Variants in HYCC1 observed in about 807,000 individuals in gnomAD.
HYCC1 encodes the protein hyccin PI4KA lipid kinase complex subunit 1, also known as hyccin.
At chr7:22,963,021 A>T in the HYCC1 span, among the ~76,000 whole-genome samples, 2 of 152,144 alleles carry the variant, frequency 1.3e-5, no homozygotes, top group Non-Finnish European at 2.9e-5. Flanking sequence ...CCATAACAAC[A>T]AAACCCAATC....
At chr7:23,004,248 C>T in the HYCC1 span, among the ~76,000 whole-genome samples, 1 of 151,952 alleles carries the variant, frequency 6.6e-6, no homozygotes, top group African/African-American at 2.4e-5. Flanking sequence ...TTGTTTAATC[C>T]CTAAAGTATT....
chr7:22,950,254 C>T, the HYCC1 span, among the ~76,000 whole-genome samples: 2 of 151,976 alleles, frequency 1.3e-5, no homozygotes, highest in South Asian at 2.1e-4. Flanking sequence ...TTAATAGCCC[C>T]CACGTTTCAC....
chr7:23,011,696 C>T, the HYCC1 span, among the ~76,000 whole-genome samples: 1 of 152,208 alleles, frequency 6.6e-6, no homozygotes, highest in South Asian at 2.1e-4. Context: ...ATATCAATGT[C>T]AATGTTATTG....
At chr7:23,005,066 A>T in the HYCC1 span, among the ~76,000 whole-genome samples, 25 of 152,154 alleles carry the variant, frequency 1.6e-4, no homozygotes, top group African/African-American at 6.0e-4. Context: ...TGGCCTCCCA[A>T]AGTGCTGGGA....
chr7:22,907,802 C>T, the HYCC1 span, among the ~76,000 whole-genome samples: 1 of 152,122 alleles, frequency 6.6e-6, no homozygotes, highest in African/African-American at 2.4e-5. Context: ...GTCCCAGCTG[C>T]CCAGGAGGCT....
the HYCC1 span, chr7:22,934,899 A>C: frequency 6.6e-6 from 1 of 152,242 alleles, no homozygotes; most frequent in African/African-American, 2.4e-5. Context: ...GACTCCTAGA[A>C]GCAAAGCGGG....
chr7:22,992,921 G>A, the HYCC1 span, among the ~76,000 whole-genome samples: 2 of 152,074 alleles, frequency 1.3e-5, no homozygotes, highest in South Asian at 4.1e-4. Context: ...GAACAGTCAA[G>A]GGCTGTCTTG....
chr7:22,901,367 T>C, the HYCC1 span, among the ~76,000 whole-genome samples: 1 of 142,456 alleles, frequency 7.0e-6, no homozygotes, highest in East Asian at 2.1e-4. Context: ...AAAAATAGAA[T>C]GAAAGATTTA....
the HYCC1 span, among the ~76,000 whole-genome samples, chr7:22,898,781 T>C: frequency 6.6e-6 from 1 of 151,776 alleles, no homozygotes; most frequent in East Asian, 1.9e-4. Context: ...TTTTGTATTT[T>C]TAGTAGAGAT....
At chr7:22,999,935 G>A in the HYCC1 span, among the ~76,000 whole-genome samples, 4 of 151,976 alleles carry the variant, frequency 2.6e-5, no homozygotes, top group African/African-American at 7.3e-5. Context: ...AAAATTATCA[G>A]AAATACACAA....
At chr7:22,954,113 C>T in the HYCC1 span, among the ~76,000 whole-genome samples, 2 of 151,368 alleles carry the variant, frequency 1.3e-5, no homozygotes, top group African/African-American at 4.8e-5. Context: ...CAACTGAAGA[C>T]TTTTCTCATA....
chr7:22,997,286 C>G, the HYCC1 span, among the ~76,000 whole-genome samples: 1 of 151,954 alleles, frequency 6.6e-6, no homozygotes, highest in Non-Finnish European at 1.5e-5. Flanking sequence ...TAAAAATTTC[C>G]TTATTCCTAT....
the HYCC1 span, among the ~76,000 whole-genome samples, chr7:22,900,690 G>C: frequency 6.6e-6 from 1 of 152,086 alleles, no homozygotes; most frequent in South Asian, 2.1e-4. Flanking sequence ...AAAACAATAA[G>C]ATGGGAACAG....
At chr7:22,903,295 T>C in the HYCC1 span, among the ~76,000 whole-genome samples, 85 of 152,264 alleles carry the variant, frequency 5.6e-4, no homozygotes, top group African/African-American at 1.8e-3. Flanking sequence ...TTATTTGTAA[T>C]AGCCCTAAAC....
the HYCC1 span, among the ~76,000 whole-genome samples, chr7:23,004,324 A>C: frequency 3.9e-5 from 6 of 152,244 alleles, no homozygotes; most frequent in Non-Finnish European, 8.8e-5. Flanking sequence ...AAAACCAAAC[A>C]TCTGCTTAGA....
the HYCC1 span, among the ~76,000 whole-genome samples, chr7:22,897,779 G>A: frequency 1.3e-5 from 2 of 151,744 alleles, no homozygotes; most frequent in Admixed American, 6.6e-5. Context: ...TAATTTTTGT[G>A]TGTTTTTAAA....
chr7:22,997,501 C>T, the HYCC1 span, among the ~76,000 whole-genome samples: 2 of 152,034 alleles, frequency 1.3e-5, no homozygotes, highest in African/African-American at 4.8e-5. Flanking sequence ...TTAAATTAAG[C>T]GCTACCAGAA....
At chr7:22,950,966 C>A in the HYCC1 span, among the ~76,000 whole-genome samples, 21 of 151,348 alleles carry the variant, frequency 1.4e-4, no homozygotes, top group Non-Finnish European at 1.5e-5. Flanking sequence ...AGAAACTTCT[C>A]AGGATATATT....
At chr7:22,969,907 T>A in the HYCC1 span, among the ~76,000 whole-genome samples, 1 of 152,170 alleles carries the variant, frequency 6.6e-6, no homozygotes, top group East Asian at 1.9e-4. Flanking sequence ...CTATGGGACA[T>A]GTTGACAGAG....
Sources: gnomAD v4.1 joint callset for allele counts (sites outside exome capture counted in the v4.1 genomes callset) on GRCh38, gnomAD v4.1.1 for gene constraint, MANE v1.5 for transcripts, NCBI Gene and HGNC (gene_info 2026-07-23, HGNC 2026-07-21) for gene names.